Variants in HS6ST2 observed in about 807,000 individuals in gnomAD.
HS6ST2 encodes the protein heparan sulfate 6-O-sulfotransferase 2.
HS6ST2 carries 17 observed loss-of-function variants against 33.0 expected under a neutral mutation model. The observed-to-expected ratio is 0.52, with a 90% CI of 0.35 to 0.77. The LOEUF (loss-of-function observed/expected upper bound fraction) is 0.77. Ranked by LOEUF, HS6ST2 falls within the 30% of genes least tolerant of loss-of-function variation. HS6ST2 has a pLI of 0.01. For synonymous variants in HS6ST2, 248 were observed against 237.1 expected, an observed-to-expected ratio of 1.05 and a Z score of -0.42; for missense variants, 519 against 551.7, an observed-to-expected ratio of 0.94 and a Z score of 0.59.
At chrX:132,785,272 G>A (rs1034990245) in intron 2 of HS6ST2, among the ~76,000 whole-genome samples, 1 of 112,067 alleles carries the variant, frequency 8.9e-6, no homozygotes, top group Non-Finnish European at 1.9e-5. Context: ...CCCCCAGAGA[G>A]ACCTTGCATG....
At chrX:132,948,062 G>A (rs1361397622) in intron 2 of HS6ST2, among the ~76,000 whole-genome samples, 3 of 111,749 alleles carry the variant, frequency 2.7e-5, no homozygotes, top group South Asian at 3.8e-4. Flanking sequence ...CTCTGTATTC[G>A]CACAGAACAG....
chrX:132,739,781 T>C (rs7885744), intron 2 of HS6ST2, among the ~76,000 whole-genome samples: 4,802 of 111,016 alleles, frequency 0.043, 180 homozygotes, highest in African/African-American at 0.12. Context: ...CTGAGAGAAT[T>C]TTTTAAAAAA....
chrX:132,933,341 A>T (rs2066794603), intron 2 of HS6ST2, among the ~76,000 whole-genome samples: 1 of 111,147 alleles, frequency 9.0e-6, no homozygotes, highest in Non-Finnish European at 1.9e-5. Flanking sequence ...TTAAAAAAAA[A>T]TTACTACAAG....
intron 2 of HS6ST2, among the ~76,000 whole-genome samples, chrX:132,888,318 T>C (rs953865490): frequency 5.4e-5 from 6 of 111,364 alleles, no homozygotes; most frequent in Non-Finnish European, 9.4e-5. Context: ...TCTTACATGG[T>C]GGCAGGCAAT....
chrX:132,945,966 T>C (rs1444638874), intron 2 of HS6ST2, among the ~76,000 whole-genome samples: 2 of 111,190 alleles, frequency 1.8e-5, no homozygotes, highest in Non-Finnish European at 3.8e-5. Flanking sequence ...AACCTGCACG[T>C]TGTGCACATG....
At chrX:132,703,124 C>T (rs1181694039) in intron 3 of HS6ST2, among the ~76,000 whole-genome samples, 2 of 111,957 alleles carry the variant, frequency 1.8e-5, no homozygotes, top group Non-Finnish European at 3.8e-5. Context: ...GGTTTTGTGC[C>T]GTGAGAGATC....
chrX:132,720,795 A>G (rs1003595787), intron 2 of HS6ST2, among the ~76,000 whole-genome samples: 1 of 111,156 alleles, frequency 9.0e-6, no homozygotes, highest in African/African-American at 3.3e-5. Flanking sequence ...GTATCAGACA[A>G]AATAGATTTC....
rs1331435184 is a variant in HS6ST2, at chrX:132,928,922, GT to G, written c.947+27885del. Among the ~76,000 whole-genome samples, 5 of 111,548 alleles carry G rather than the reference GT, an allele frequency of 4.5e-5. No individual in the cohort carries two copies. In the East Asian group the frequency reaches 1.1e-3, roughly 25 times the overall value. ...GTCAACCAGTTTATAGTCAATTTTT[GT>G]TTCTATTCATGCTGAGTCAGTGGCA... On this transcript the variant is annotated intron_variant, in intron 2 of 4. Coordinates refer to ENST00000370833, the MANE Select transcript of HS6ST2 (RefSeq NM_001394073.1).
intron 2 of HS6ST2, among the ~76,000 whole-genome samples, chrX:132,867,302 A>G (rs2148425370): frequency 9.3e-6 from 1 of 107,022 alleles, no homozygotes; most frequent in South Asian, 4.2e-4. Flanking sequence ...GCATATATTG[A>G]ACCAGCCTTG....
intron 2 of HS6ST2, among the ~76,000 whole-genome samples, chrX:132,828,693 T>TATACACAC (rs1337972849): frequency 8.2e-5 from 6 of 72,938 alleles, no homozygotes; most frequent in Admixed American, 1.6e-4. Context: ...TATATATATA[T>TATACACAC]ACACACACAC....
intron 2 of HS6ST2, among the ~76,000 whole-genome samples, chrX:132,804,936 T>A (rs899782098): frequency 1.8e-5 from 2 of 111,846 alleles, no homozygotes; most frequent in African/African-American, 3.2e-5. Flanking sequence ...CTGTATAATA[T>A]CATCAAAATG....
At chrX:132,784,100 C>T (rs964828940) in intron 2 of HS6ST2, among the ~76,000 whole-genome samples, 10 of 111,099 alleles carry the variant, frequency 9.0e-5, no homozygotes, top group Non-Finnish European at 1.9e-5. Flanking sequence ...ATGTGACTCT[C>T]CCTCTAAGTT....
chrX:132,918,378 G>A (rs994883851), intron 2 of HS6ST2, among the ~76,000 whole-genome samples: 1 of 112,200 alleles, frequency 8.9e-6, no homozygotes, highest in Admixed American at 9.4e-5. Context: ...GGCAACCCTG[G>A]TAGCTTGATT....
At chrX:132,661,633 C>T (rs1215604099) in intron 4 of HS6ST2, among the ~76,000 whole-genome samples, 2 of 112,222 alleles carry the variant, frequency 1.8e-5, no homozygotes, top group Admixed American at 1.9e-4. Flanking sequence ...TATACAGATT[C>T]AAGGCAATCC....
intron 2 of HS6ST2, among the ~76,000 whole-genome samples, chrX:132,850,809 T>C (rs1426300097): frequency 9.0e-6 from 1 of 111,580 alleles, no homozygotes; most frequent in Admixed American, 9.5e-5. Context: ...CAACCTGATA[T>C]ATTCTCTCCC....
intron 2 of HS6ST2, 68 bp downstream of exon 2, chrX:132,956,740 C>T (rs1667786593): frequency 9.2e-7 from 1 of 1,089,141 alleles, no homozygotes; most frequent in Non-Finnish European, 1.2e-6. Context: ...CCGGCTTGGG[C>T]CAGCCGCGCC....
chrX:132,707,187 C>G (rs1342590883), intron 3 of HS6ST2, among the ~76,000 whole-genome samples: 1 of 112,119 alleles, frequency 8.9e-6, no homozygotes, highest in Non-Finnish European at 1.9e-5. Flanking sequence ...GTCATCCGCT[C>G]CATTTTATTT....
intron 2 of HS6ST2, among the ~76,000 whole-genome samples, chrX:132,926,645 G>A (rs1289482899): frequency 8.9e-6 from 1 of 112,501 alleles, no homozygotes; most frequent in Non-Finnish European, 1.9e-5. Flanking sequence ...CAGTCTGGCT[G>A]AGCGCAGTAG....
chrX:132,736,031 G>A (rs745354499), intron 2 of HS6ST2, among the ~76,000 whole-genome samples: 2 of 110,190 alleles, frequency 1.8e-5, no homozygotes, highest in South Asian at 8.0e-4. Context: ...TTTTAGTAGA[G>A]ACGGGGTTTC....
Sources: gnomAD v4.1 joint callset for allele counts (sites outside exome capture counted in the v4.1 genomes callset) on GRCh38, gnomAD v4.1.1 for gene constraint, MANE v1.5 for transcripts, NCBI Gene and HGNC (gene_info 2026-07-23, HGNC 2026-07-21) for gene names.